The following FAH variants were observed in gnomAD, a reference collection of about 807,000 sequenced individuals.
The protein encoded by FAH is fumarylacetoacetate hydrolase, also known as fumarylacetoacetase.
A neutral mutation model predicts 55.8 loss-of-function variants in FAH; 47 were observed. That is an observed-to-expected ratio of 0.84 (90% CI 0.67 to 1.07). The LOEUF is 1.07. Ranked by LOEUF, FAH falls within the 50% of genes least tolerant of loss-of-function variation. FAH has a pLI of 0.00. For synonymous variants in FAH, 199 were observed against 207.7 expected (o/e 0.96, Z 0.36); for missense variants, 495 against 545.9 (o/e 0.91, Z 0.93).
At chr15:80,185,628 G>A (rs2041363828) in intron 13 of FAH, among the ~76,000 whole-genome samples, 1 of 152,208 alleles carries the variant, frequency 6.6e-6, no homozygotes, top group Non-Finnish European at 1.5e-5. Flanking sequence ...ATAGTGGAAG[G>A]CAAAAGGCAT....
In FAH at chr15:80,180,032, G is replaced by A. The variant is rs569098025; in HGVS notation, c.961-92G>A. The A allele has an allele frequency of 5.6e-5, 51 of 915,596 alleles. 1 individual carries two copies. The highest frequency in any genetic ancestry group is 5.5e-4 in the South Asian group (41 of 73,930). 56.7% of individuals were successfully genotyped at this position (915,596 alleles called of 1,614,324 possible). A position where few individuals can be genotyped will look rare whatever the true frequency, so the allele number is the denominator to read the frequency against. On this transcript the variant is annotated intron_variant, in intron 11 of 13. Transcript: ENST00000561421. ...GGACCGGGGAAAGGCCAGGGAAGGCGGTCGTGAGCAGGGCAGGCTGTGCCC... is the reference window on the plus strand; with the variant it reads ...GGACCGGGGAAAGGCCAGGGAAGGCAGTCGTGAGCAGGGCAGGCTGTGCCC...
intron 6 of FAH, 47 bp from the exon 7 acceptor site, chr15:80,168,217 G>A (rs1465872428): frequency 1.2e-6 from 2 of 1,608,574 alleles, no homozygotes; most frequent in Non-Finnish European, 1.7e-6. Context: ...GAGTTCTGTG[G>A]CCTCACTCAC....
At chr15:80,172,603 C>T (rs2041250590) in intron 8 of FAH, among the ~76,000 whole-genome samples, 1 of 152,210 alleles carries the variant, frequency 6.6e-6, no homozygotes, top group African/African-American at 2.4e-5. Flanking sequence ...GGAACTGAGG[C>T]ACAGGGAGAT....
In FAH at chr15:80,186,159, G is replaced by A. The variant is rs1297118863; in HGVS notation, c.1210G>A (p.Gly404Ser). ...CTGCCAGGGGGATGGTTACCGCATC[G>A]GCTTTGGCCAGTGTGCTGGAAAAGT... ...GYCQGDGYRI[G>S]FGQCAGKVLP... Residue 404 changes from glycine to serine, a missense_variant, in exon 14 of 14, where the codon GGC becomes AGC. Physicochemically the swap from Gly to Ser is moderately conservative, Grantham distance 56 (BLOSUM62 0). Transcript: ENST00000561421. 1.1e-5 allele frequency: 18 copies of A among 1,614,020 alleles called. No individual in the cohort carries two copies. The highest frequency in any genetic ancestry group is 4.5e-5 in the East Asian group (2 of 44,886).
intron 4 of FAH, among the ~76,000 whole-genome samples, chr15:80,161,718 AC>A (rs2041150793): frequency 6.6e-6 from 1 of 152,198 alleles, no homozygotes; most frequent in African/African-American, 2.4e-5. Context: ...AAAGATGTGC[AC>A]ACACATAACT....
intron 7 of FAH, among the ~76,000 whole-genome samples, chr15:80,171,192 C>T (rs1165471005): frequency 6.6e-6 from 1 of 151,938 alleles, no homozygotes; most frequent in Non-Finnish European, 1.5e-5. Context: ...GTGCTGCACC[C>T]ATTAAGTCGT....
chr15:80,186,280 C>T lies in FAH; in HGVS notation c.*71C>T, dbSNP rs905325735. On this transcript the variant is annotated 3_prime_UTR_variant, in exon 14 of 14. Coordinates refer to ENST00000561421, the MANE Select transcript of FAH (RefSeq NM_000137.4). ...CAACCCTGTGACTGGGGTCCTCCCT[C>T]GGGCTGTAGGCCTGGTCCGCCATTC... 1.4e-5 allele frequency: 18 copies of T among 1,271,900 alleles called. No individual in the cohort carries two copies. The highest frequency in any genetic ancestry group is 5.1e-5 in the Admixed American group (3 of 59,148). The allele number at this position is 1,271,900 out of a possible 1,614,324, so 78.8% of individuals were successfully genotyped here.
chr15:80,158,176 A>G lies in FAH; in HGVS notation c.192+6A>G. On this transcript the variant is annotated splice_donor_region_variant and intron_variant, in intron 2 of 13. Coordinates refer to ENST00000561421, the MANE Select transcript of FAH (RefSeq NM_000137.4). ...ACCAGGATGTCTTCAATCAGGTAGG[A>G]CATTGTGAAACGACTTGTCCCTGAC... 6.3e-7 allele frequency: 1 copy of G among 1,592,152 alleles called. No individual in the cohort carries two copies. The highest frequency in any genetic ancestry group is 8.6e-7 in the Non-Finnish European group (1 of 1,159,904).
chr15:80,159,783 G>A lies in FAH; in HGVS notation c.220G>A (p.Gly74Ser). Reference sequence around the variant, plus strand: ...TACACTCAACAGCTTCATGGGCCTGGGTCAGGCTGCCTGGAAGGAGGCGAG... The same window carrying A: ...TACACTCAACAGCTTCATGGGCCTGAGTCAGGCTGCCTGGAAGGAGGCGAG... ...QPTLNSFMGL[G>S]QAAWKEARVF... The change falls in exon 3 of 14, where the codon GGT becomes AGT. Residue 74 changes from glycine to serine, a missense_variant. By Grantham distance (56) the Gly-to-Ser change is moderately conservative. Coordinates refer to ENST00000561421, the MANE Select transcript of FAH (RefSeq NM_000137.4). 1.2e-6 allele frequency: 2 copies of A among 1,614,206 alleles called. No homozygotes were observed. Among genetic ancestry groups the A allele is most frequent in the Non-Finnish European group, 8.5e-7 (1 of 1,180,036 alleles).
chr15:80,171,548 C>T (rs1422500463), intron 7 of FAH, among the ~76,000 whole-genome samples: 1 of 152,084 alleles, frequency 6.6e-6, no homozygotes, highest in Admixed American at 6.5e-5. Flanking sequence ...GCAGCCTTGA[C>T]CTCCCTGGCT....
rs1490494376 is a variant in FAH at position 80,175,030 on chromosome 15, G to A, written c.852G>A (p.Leu284=). 1 of 1,612,032 alleles carries A rather than the reference G, an allele frequency of 6.2e-7. No individual in the cohort carries two copies. Among genetic ancestry groups the A allele is most frequent in the Non-Finnish European group, 8.5e-7 (1 of 1,179,272 alleles). ...TGCCCTCTCAGGACCCCAGGCCCCT[G>A]CCGTATCTGTGCCATGACGAGCCCT... ...VPNPKQDPRP[L]PYLCHDEPYT... The change falls in exon 10 of 14, where the codon CTG becomes CTA. Residue 284 remains leucine, a synonymous_variant. Coordinates refer to ENST00000561421, the MANE Select transcript of FAH (RefSeq NM_000137.4).
intron 3 of FAH, chr15:80,160,209 C>A: frequency 1.5e-6 from 1 of 674,990 alleles, no homozygotes; most frequent in Non-Finnish European, 2.7e-6. Flanking sequence ...GTCCCATTTC[C>A]TAGGGTAGAA....
chr15:80,160,594 GT>G, intron 4 of FAH, 135 bp downstream of exon 4: 1 of 812,908 alleles, frequency 1.2e-6, no homozygotes, highest in Non-Finnish European at 2.1e-6. Flanking sequence ...CTCTGGGGCT[GT>G]TACCCGCTCC....
chr15:80,177,477 T>C, intron 10 of FAH, 60 bp from the exon 11 acceptor site: 1 of 1,434,794 alleles, frequency 7.0e-7, no homozygotes, highest in African/African-American at 1.4e-5. Context: ...ATTCTTTTTT[T>C]ATTTTCCTCC....
rs777899653 is a variant in FAH at position 80,159,870 on chromosome 15, C to A, written c.307C>A (p.Arg103=). ...CAGGCTCAGAGATGACACCGAACTT[C>A]GGAAGTGGTGAGAAGCACGTGGTCA... ...QARLRDDTEL[R]KCAFISQASA... is the part of the protein sequence containing the mutation. Residue 103 remains arginine (R), a synonymous_variant, in exon 3 of 14, where the codon CGG becomes AGG. Coordinates refer to ENST00000561421, the MANE Select transcript of FAH (RefSeq NM_000137.4). 1 of 1,614,032 alleles carries A rather than the reference C, an allele frequency of 6.2e-7. No individual in the cohort carries two copies. The highest frequency in any genetic ancestry group is 8.5e-7 in the Non-Finnish European group (1 of 1,180,022).
chr15:80,155,836 T>G, intron 1 of FAH: 2 of 458,252 alleles, frequency 4.4e-6, no homozygotes, highest in South Asian at 3.1e-5. Flanking sequence ...GAAGGCAGCA[T>G]AAGTCAGCAT....
At chr15:80,183,420 G>T (rs1322179946) in intron 13 of FAH, among the ~76,000 whole-genome samples, 1 of 152,344 alleles carries the variant, frequency 6.6e-6, no homozygotes, top group South Asian at 2.1e-4. Context: ...AGGTGGAGGT[G>T]GTGTGTCAGC....
rs1555442289 is a variant in FAH, at chr15:80,180,122, A to G, written c.961-2A>G. ...ATTCCACCTCGCGTCCATTGCCTGCAGTACATGTACTGGACGATGCTGCAG... is the reference window on the plus strand; with the variant it reads ...ATTCCACCTCGCGTCCATTGCCTGCGGTACATGTACTGGACGATGCTGCAG... On this transcript the variant is annotated splice_acceptor_variant, in intron 11 of 13. Transcript: ENST00000561421. LOFTEE classifies it high-confidence loss of function. 6.2e-7 allele frequency: 1 copy of G among 1,602,370 alleles called. No individual in the cohort carries two copies. Among genetic ancestry groups the G allele is most frequent in the Non-Finnish European group, 8.5e-7 (1 of 1,174,908 alleles).
intron 13 of FAH, 30 bp downstream of exon 13, chr15:80,181,189 T>G (rs201444407): frequency 2.7e-6 from 4 of 1,491,044 alleles, no homozygotes; most frequent in Middle Eastern, 1.7e-4. Flanking sequence ...GCAGCTCGTC[T>G]TCCTCCTTGC....
Sources: allele counts gnomAD v4.1 joint callset (sites outside exome capture counted in the v4.1 genomes callset), GRCh38; gene constraint gnomAD v4.1.1; transcripts MANE v1.5; gene names NCBI Gene and HGNC (gene_info 2026-07-23, HGNC 2026-07-21).